PCDHGA5: variants seen among roughly 807,000 people sequenced by gnomAD.
The protein encoded by PCDHGA5 is protocadherin gamma-A5.
PCDHGA5 carries 36 observed loss-of-function variants against 56.7 expected under a neutral mutation model. The ratio of observed to expected loss-of-function variants is 0.64; its 90% CI spans 0.49 to 0.84. The LOEUF (loss-of-function observed/expected upper bound fraction) is 0.84, where lower values mean the gene tolerates loss of function less well. Ranked by LOEUF, PCDHGA5 falls within the 40% of genes least tolerant of loss-of-function variation. The pLI is 0.00. For missense variants in PCDHGA5, 1,305 were observed against 1,201.5 expected, an observed-to-expected ratio of 1.09 and a Z score of -1.27; for synonymous variants, 563 against 520.2, an observed-to-expected ratio of 1.08 and a Z score of -1.12.
At chr5:141,457,715 CA>C (rs2098928510) in intron 1 of PCDHGA5, among the ~76,000 whole-genome samples, 2 of 152,212 alleles carry the variant, frequency 1.3e-5, no homozygotes, top group Non-Finnish European at 2.9e-5. Flanking sequence ...CACTGTTCCA[CA>C]AGGAATTTCA....
chr5:141,505,679 G>A (rs1350871637), intron 3 of PCDHGA5, among the ~76,000 whole-genome samples, 198 bp downstream of exon 3: 24 of 152,172 alleles, frequency 1.6e-4, no homozygotes, highest in Non-Finnish European at 3.5e-4. Flanking sequence ...TGGGGGTCCT[G>A]GGATGCCTGG....
intron 1 of PCDHGA5, chr5:141,430,875 T>C: frequency 6.3e-7 from 1 of 1,599,398 alleles, no homozygotes; most frequent in Non-Finnish European, 8.5e-7. Context: ...CCGGAAGAGC[T>C]GGAGAAAGGC....
chr5:141,370,870 A>G (rs778903328), intron 1 of PCDHGA5: 1 of 1,614,030 alleles, frequency 6.2e-7, no homozygotes, highest in African/African-American at 1.3e-5. Flanking sequence ...TCTGCGCAAG[A>G]TCCTGATGTA....
chr5:141,376,073 G>T, intron 1 of PCDHGA5: 6 of 1,613,508 alleles, frequency 3.7e-6, no homozygotes, highest in South Asian at 1.1e-5. Context: ...CACCGTGGCC[G>T]TGGCCGACAG....
At chr5:141,404,384 G>C in intron 1 of PCDHGA5, 9 of 1,613,904 alleles carry the variant, frequency 5.6e-6, no homozygotes, top group African/African-American at 1.3e-5. Context: ...GATTGCCTAT[G>C]ACCCTGATAG....
At chr5:141,462,584 A>C (rs959398950) in intron 1 of PCDHGA5, among the ~76,000 whole-genome samples, 1 of 152,124 alleles carries the variant, frequency 6.6e-6, no homozygotes, top group African/African-American at 2.4e-5. Context: ...CATCCAGTGA[A>C]GTTTCCATTT....
At chr5:141,494,768 C>T (rs758949982) in intron 1 of PCDHGA5, 39 bp from the exon 2 acceptor site, 1 of 1,614,060 alleles carries the variant, frequency 6.2e-7, no homozygotes, top group South Asian at 1.1e-5. Flanking sequence ...TCTAACTTCT[C>T]ACGGGTACTC....
intron 1 of PCDHGA5, chr5:141,387,557 G>C (rs571413429): frequency 2.4e-6 from 1 of 416,144 alleles, no homozygotes; most frequent in South Asian, 5.2e-5. Context: ...TTTCAGTTAG[G>C]CACACAATTA....
rs140459920 is a variant in PCDHGA5, at chr5:141,386,998, C to T, written c.2421+20247C>T. ...TGTGTTTTGAGGCTATGTATTATCCCCCTGATAACTTTGAAGATGAATGTT... is the reference window on the plus strand; with the variant it reads ...TGTGTTTTGAGGCTATGTATTATCCTCCTGATAACTTTGAAGATGAATGTT... On this transcript the variant is annotated intron_variant, in intron 1 of 3. Coordinates refer to ENST00000518069, the MANE Select transcript of PCDHGA5 (RefSeq NM_018918.3). Among the ~76,000 whole-genome samples, 1,144 of 152,176 alleles carry T rather than the reference C, an allele frequency of 7.5e-3. 3 individuals are homozygous for T. The highest frequency in any genetic ancestry group is 0.012 in the Non-Finnish European group (791 of 68,006).
At chr5:141,376,316 G>A (rs1178295234) in intron 1 of PCDHGA5, 2 of 1,614,224 alleles carry the variant, frequency 1.2e-6, no homozygotes, top group Non-Finnish European at 1.7e-6. Flanking sequence ...GGGCGTGGAA[G>A]GGGTTCGGGC....
chr5:141,410,174 G>A (rs1369332920), intron 1 of PCDHGA5: 4 of 1,613,588 alleles, frequency 2.5e-6, no homozygotes, highest in East Asian at 2.2e-5. Flanking sequence ...CTCTGCCACC[G>A]CCACGCTTCA....
chr5:141,489,165 G>T lies in PCDHGA5; in HGVS notation c.2422-5642G>T. ...GAAGGAGACATAAGAGACTTCAGCT[G>T]CTGCATTCCAAGCCCTGGGTCTACC... On this transcript the variant is annotated intron_variant, in intron 1 of 3. Coordinates refer to ENST00000518069, the MANE Select transcript of PCDHGA5 (RefSeq NM_018918.3). This position sits in a 1 kb window ranked among gnomAD's most constrained non-coding sequence, Gnocchi z 4.5. 9.2e-7 allele frequency: 1 copy of T among 1,082,084 alleles called. No homozygotes were observed. Among genetic ancestry groups the T allele is most frequent in the Non-Finnish European group, 1.3e-6 (1 of 745,856 alleles). 67.0% of individuals were successfully genotyped at this position (1,082,084 alleles called of 1,614,324 possible).
chr5:141,372,008 C>T, intron 1 of PCDHGA5: 3 of 1,613,290 alleles, frequency 1.9e-6, no homozygotes, highest in African/African-American at 1.3e-5. Flanking sequence ...GCGACCAGGG[C>T]TCGCCTACGC....
chr5:141,478,711 T>C, intron 1 of PCDHGA5: 3 of 1,547,346 alleles, frequency 1.9e-6, no homozygotes, highest in Non-Finnish European at 1.7e-6. Flanking sequence ...CTTTGTGAGA[T>C]GGTGGCCTGC....
intron 1 of PCDHGA5, chr5:141,398,802 C>A: frequency 6.2e-7 from 1 of 1,613,982 alleles, no homozygotes; most frequent in Non-Finnish European, 8.5e-7. Context: ...TAAGCGGCAC[C>A]ACTGAGCTCC....
chr5:141,379,862 T>G (rs1157385498), intron 1 of PCDHGA5, among the ~76,000 whole-genome samples: 2 of 150,480 alleles, frequency 1.3e-5, no homozygotes, highest in African/African-American at 4.9e-5. Flanking sequence ...TATTGTCTTA[T>G]TCTTATTTTA....
intron 1 of PCDHGA5, among the ~76,000 whole-genome samples, chr5:141,387,171 G>A (rs1194101631): frequency 6.6e-6 from 1 of 152,156 alleles, no homozygotes; most frequent in Non-Finnish European, 1.5e-5. Flanking sequence ...AGTATAAATT[G>A]CACCTTCTAA....
At chr5:141,407,135 G>T (rs2094890312) in intron 1 of PCDHGA5, among the ~76,000 whole-genome samples, 1 of 151,812 alleles carries the variant, frequency 6.6e-6, no homozygotes, top group African/African-American at 2.4e-5. Context: ...TTATTTTTAA[G>T]AAAAAAAAGC....
chr5:141,453,387 G>A (rs1313174494), intron 1 of PCDHGA5, among the ~76,000 whole-genome samples: 1 of 151,936 alleles, frequency 6.6e-6, no homozygotes, highest in Non-Finnish European at 1.5e-5. Flanking sequence ...TCCTGCCTTA[G>A]CCTCCAAGTG....
Sources: allele counts gnomAD v4.1 joint callset (sites outside exome capture counted in the v4.1 genomes callset), GRCh38; gene constraint gnomAD v4.1.1; non-coding constraint Gnocchi (gnomAD v3.1); transcripts MANE v1.5; gene names NCBI Gene and HGNC (gene_info 2026-07-23, HGNC 2026-07-21).